Variants in TRMT2A observed in about 807,000 individuals in gnomAD.
The protein encoded by TRMT2A is tRNA (uracil-5-)-methyltransferase homolog A.
Under a neutral mutation model 59.3 loss-of-function variants are expected in TRMT2A, and 60 were observed. That is an observed-to-expected ratio of 1.01 (90% CI 0.82 to 1.26). The LOEUF (loss-of-function observed/expected upper bound fraction) is 1.26, where lower values mean the gene tolerates loss of function less well. Ranked by LOEUF, TRMT2A falls within the 50% of genes most tolerant of loss-of-function variation. The probability of loss-of-function intolerance (pLI) is 0.00; values close to 1 mark genes in which losing one functional copy is unlikely to be tolerated. For missense variants in TRMT2A, 863 were observed against 845.2 expected (o/e 1.02, Z -0.26); for synonymous variants, 403 against 353.7 (o/e 1.14, Z -1.56).
At position 20,112,158 on chromosome 22, in the gene TRMT2A, G is replaced by A. The variant is rs964447609; in HGVS notation, c.*405C>T. Reference sequence around the variant, plus strand: ...TCTCCTCAAGTTTAAGTATCAAATCGAACATTCTTTTTTAAAGTAAGCTCT... The same window carrying A: ...TCTCCTCAAGTTTAAGTATCAAATCAAACATTCTTTTTTAAAGTAAGCTCT... On this transcript the variant is annotated 3_prime_UTR_variant, in exon 12 of 12. Transcript: ENST00000252136. The A allele has an allele frequency of 1.5e-5, 3 of 194,102 alleles. No individual in the cohort carries two copies. Among genetic ancestry groups the A allele is most frequent in the Non-Finnish European group, 3.1e-5 (3 of 95,744 alleles). 12.0% of individuals were successfully genotyped at this position (194,102 alleles called of 1,614,324 possible). A position where few individuals can be genotyped will look rare whatever the true frequency, so the allele number is the denominator to read the frequency against.
At position 20,116,392 on chromosome 22, in the gene TRMT2A, C is replaced by A; in HGVS notation, c.245G>T (p.Arg82Leu). The change falls in exon 2 of 12, where the codon CGC (arginine) becomes CTC (leucine). Residue 82 changes from arginine (R) to leucine (L), a missense_variant. Coordinates refer to ENST00000252136, the MANE Select transcript of TRMT2A (RefSeq NM_022727.6). ...IFKLELQNVP[R>L]HASFSDVRRF... ...CCGGACGTCGCTGAAGCTGGCGTGG[C>A]GAGGCACGTTCTGCAGCTCCAGTTT... The A allele has an allele frequency of 6.2e-7, 1 of 1,611,814 alleles. No individual in the cohort carries two copies. Among genetic ancestry groups the A allele is most frequent in the Non-Finnish European group, 8.5e-7 (1 of 1,179,014 alleles).
intron 2 of TRMT2A, 86 bp downstream of exon 2, chr22:20,115,952 G>C: frequency 6.8e-7 from 1 of 1,470,804 alleles, no homozygotes. Context: ...CCTGTGCTGG[G>C]CCTCCCAACT....
Position 20,113,166 on chromosome 22 carries a change from C to A in TRMT2A, c.1501G>T (p.Ala501Ser). 6.3e-7 allele frequency: 1 copy of A among 1,597,572 alleles called. No individual in the cohort carries two copies. Among genetic ancestry groups the A allele is most frequent in the Admixed American group, 1.7e-5 (1 of 59,138 alleles). Residue 501 changes from alanine to serine, a missense_variant, in exon 10 of 12, where the codon GCC (alanine) becomes TCC (serine). Ala to Ser is a moderately conservative substitution (Grantham distance 99). Transcript: ENST00000252136. ...DLVPTLVSRL[A>S]SQHLVAILDP... ...AGGATGGCCACGAGGTGCTGGGAGGCCAGTCTGCTCACCAGGGTGGGCACC... is the reference window on the plus strand; with the variant it reads ...AGGATGGCCACGAGGTGCTGGGAGGACAGTCTGCTCACCAGGGTGGGCACC...
At chr22:20,113,400 T>TGCCCCCCCCCCCCCCCC in intron 9 of TRMT2A, 32 bp downstream of exon 9, 62 of 1,049,336 alleles carry the variant, frequency 5.9e-5, no homozygotes, top group Non-Finnish European at 8.3e-5. Flanking sequence ...GCTGCCCCCA[T>TGCCCCCCCCCCCCCCCC]CCCCACCCCC....
chr22:20,117,101 G>C lies in TRMT2A; in HGVS notation c.-195C>G. 1 of 711,044 alleles carries C rather than the reference G, an allele frequency of 1.4e-6. No individual in the cohort carries two copies. The highest frequency in any genetic ancestry group is 2.3e-6 in the Non-Finnish European group (1 of 433,450). The allele number at this position is 711,044 out of a possible 1,614,324, so 44.0% of individuals were successfully genotyped here. On this transcript the variant is annotated 5_prime_UTR_variant, in exon 1 of 12. In the 5' UTR this introduces an upstream ATG that the reference lacks. Transcript: ENST00000252136. Reference sequence around the variant, plus strand: ...CAGGCGGGGCGGGACTCGAACCTGCGATGCTCAGGTCCGGGTCTCAGGCTT... The same window carrying C: ...CAGGCGGGGCGGGACTCGAACCTGCCATGCTCAGGTCCGGGTCTCAGGCTT...
chr22:20,116,079 C>A lies in TRMT2A; in HGVS notation c.558G>T (p.Arg186=). Reference sequence around the variant, plus strand: ...GCACCTGCTCGCACTCCAGCTGCTTCCGCTCAAGCTGCTCAGCATAGGGCA... The same window carrying A: ...GCACCTGCTCGCACTCCAGCTGCTTACGCTCAAGCTGCTCAGCATAGGGCA... ...WTVPYAEQLE[R]KQLECEQVLQ... The change falls in exon 2 of 12, where the codon CGG becomes CGT. Residue 186 remains arginine (R), a synonymous_variant. Transcript: ENST00000252136. The A allele has an allele frequency of 6.3e-7, 1 of 1,581,438 alleles. No homozygotes were observed. Among genetic ancestry groups the A allele is most frequent in the Non-Finnish European group, 8.6e-7 (1 of 1,158,816 alleles).
In TRMT2A at chr22:20,115,724, T is replaced by C. The variant is rs146220777; in HGVS notation, c.656A>G (p.Lys219Arg). 5.0e-6 allele frequency: 8 copies of C among 1,612,792 alleles called. No individual in the cohort carries two copies. In the East Asian group the frequency reaches 6.7e-5, roughly 13 times the overall value. Residue 219 changes from lysine (K) to arginine (R), a missense_variant, in exon 3 of 12, where the codon AAG (lysine) becomes AGG (arginine). Lys to Arg is a conservative substitution (Grantham distance 26). Coordinates refer to ENST00000252136, the MANE Select transcript of TRMT2A (RefSeq NM_022727.6). ...CAGCGGGCAGCAGGCCTTGTTGTGCTTGTGCCTCTGCTCGAGCAGCCAGGG... is the reference window on the plus strand; with the variant it reads ...CAGCGGGCAGCAGGCCTTGTTGTGCCTGTGCCTCTGCTCGAGCAGCCAGGG... ...LLPWLLEQRH[K>R]HNKACCPLEG...
rs773356644 is a variant in TRMT2A at position 20,112,551 on chromosome 22, T to G, written c.*12A>C. The G allele has an allele frequency of 6.2e-7, 1 of 1,611,864 alleles. No individual in the cohort carries two copies. The highest frequency in any genetic ancestry group is 1.1e-5 in the South Asian group (1 of 91,032). On this transcript the variant is annotated 3_prime_UTR_variant, in exon 12 of 12. Coordinates refer to ENST00000252136, the MANE Select transcript of TRMT2A (RefSeq NM_022727.6). Reference sequence around the variant, plus strand: ...AGCCCTTCAGCTCCTGTCCCCATAATGGGTCCTGGGCCTAGGATGAGGGGA... The same window carrying G: ...AGCCCTTCAGCTCCTGTCCCCATAAGGGGTCCTGGGCCTAGGATGAGGGGA...
At chr22:20,113,337 G>A in intron 9 of TRMT2A, 95 bp downstream of exon 9, 1 of 1,522,298 alleles carries the variant, frequency 6.6e-7, no homozygotes, top group South Asian at 1.3e-5. Flanking sequence ...TGCTCTACCT[G>A]TCGGGCAGCC....
chr22:20,113,295 T>G, intron 9 of TRMT2A, 61 bp from the exon 10 acceptor site: 1 of 1,514,202 alleles, frequency 6.6e-7, no homozygotes, highest in Admixed American at 2.1e-5. Context: ...GGGCCAGCCC[T>G]GGGGAACCCC....
At position 20,113,218 on chromosome 22, in the gene TRMT2A, C is replaced by T; in HGVS notation, c.1449G>A (p.Glu483=). 1.3e-6 allele frequency: 2 copies of T among 1,566,428 alleles called. No homozygotes were observed. The highest frequency in any genetic ancestry group is 1.8e-5 in the Admixed American group (1 of 55,702). Residue 483 remains glutamate, a synonymous_variant, in exon 10 of 12, where the codon GAG becomes GAA. Transcript: ENST00000252136. ...NAQDNELSNV[E]FHCGRAEDLV... is the part of the protein sequence containing the mutation. Reference sequence around the variant, plus strand: ...GGTCCTCGGCCCTCCCGCAGTGGAACTCCACATTACTCAACTCTGAAGAGA... The same window carrying T: ...GGTCCTCGGCCCTCCCGCAGTGGAATTCCACATTACTCAACTCTGAAGAGA...
In TRMT2A at chr22:20,112,763, C is replaced by T. The variant is rs150381780; in HGVS notation, c.1678G>A (p.Gly560Ser). The change falls in exon 12 of 12, where the codon GGC becomes AGC. Residue 560 changes from glycine to serine, a missense_variant. Gly to Ser is a moderately conservative substitution (Grantham distance 56). Transcript: ENST00000252136. ...GCCTTGACCGGCCGGAAGGGAATGC[C>T]CTTCACCCGGTTAGATGGGGCTCTG... Reference protein sequence around the residue: ...LCRAPSNRVKGIPFRPVKAVA... With the variant: ...LCRAPSNRVKSIPFRPVKAVA... 1.3e-5 allele frequency: 21 copies of T among 1,613,650 alleles called. No individual in the cohort carries two copies. Among genetic ancestry groups the T allele is most frequent in the Non-Finnish European group, 1.8e-5 (21 of 1,180,006 alleles).
Position 20,113,489 on chromosome 22 carries a change from C to T in TRMT2A, c.1375G>A (p.Gly459Arg), listed in dbSNP as rs368712653. 15 of 1,613,436 alleles carry T rather than the reference C, an allele frequency of 9.3e-6. No individual in the cohort carries two copies. Among genetic ancestry groups the T allele is most frequent in the Non-Finnish European group, 1.3e-5 (15 of 1,179,972 alleles). Residue 459 changes from glycine to arginine, a missense_variant, in exon 9 of 12, where the codon GGG (glycine) becomes AGG (arginine). Gly to Arg is a moderately radical substitution (Grantham distance 125). Coordinates refer to ENST00000252136, the MANE Select transcript of TRMT2A (RefSeq NM_022727.6). ...ALARKVKRVI[G>R]VELCPEAVED... ...ACAGCCTCTGGGCATAGCTCGACCC[C>T]AATGACCCTCTTTACCTTCTGAAAC...
chr22:20,112,903 A>G lies in TRMT2A; in HGVS notation c.1646+8T>C, dbSNP rs1195861203. 1 of 1,613,552 alleles carries G rather than the reference A, an allele frequency of 6.2e-7. No individual in the cohort carries two copies. Among genetic ancestry groups the G allele is most frequent in the South Asian group, 1.1e-5 (1 of 91,084 alleles). ...CTAGCCCCCACCCAGGCCCCTGCAG[A>G]CACTCACTCCACAAAGTTGCCCATG... is the stretch of plus-strand genomic sequence containing the variant. On this transcript the variant is annotated splice_region_variant and intron_variant, in intron 11 of 11. Coordinates refer to ENST00000252136, the MANE Select transcript of TRMT2A (RefSeq NM_022727.6).
Position 20,116,023 on chromosome 22 carries a change from T to G in TRMT2A, c.599+15A>C, listed in dbSNP as rs772721008. ...AGAGCCCTGGCCAAGAGGGGCGTCT[T>G]GCGCCCACACTCACTTGGCAAGTTT... On this transcript the variant is annotated intron_variant, in intron 2 of 11. Coordinates refer to ENST00000252136, the MANE Select transcript of TRMT2A (RefSeq NM_022727.6). 3 of 1,542,106 alleles carry G rather than the reference T, an allele frequency of 1.9e-6. No homozygotes were observed. The highest frequency in any genetic ancestry group is 2.3e-5 in the East Asian group (1 of 44,116).
At chr22:20,113,400 T>TGCCCCCCCCCCCCCCCCGCCCGG in intron 9 of TRMT2A, 32 bp downstream of exon 9, 1 of 1,049,436 alleles carries the variant, frequency 9.5e-7, no homozygotes, top group Non-Finnish European at 1.4e-6. Flanking sequence ...GCTGCCCCCA[T>TGCCCCCCCCCCCCCCCCGCCCGG]CCCCACCCCC....
chr22:20,112,251 G>A lies in TRMT2A; in HGVS notation c.*312C>T, dbSNP rs949380243. Reference sequence around the variant, plus strand: ...CTAGGCCTAGTTTGGCCCTTTCCCTGGCACCCAGGCCCTGTGTTCAGACCC... The same window carrying A: ...CTAGGCCTAGTTTGGCCCTTTCCCTAGCACCCAGGCCCTGTGTTCAGACCC... On this transcript the variant is annotated 3_prime_UTR_variant, in exon 12 of 12. Coordinates refer to ENST00000252136, the MANE Select transcript of TRMT2A (RefSeq NM_022727.6). 1 of 411,174 alleles carries A rather than the reference G, an allele frequency of 2.4e-6. No individual in the cohort carries two copies. Among genetic ancestry groups the A allele is most frequent in the Non-Finnish European group, 4.4e-6 (1 of 229,882 alleles). The allele number at this position is 411,174 out of a possible 1,614,324, so 25.5% of individuals were successfully genotyped here. A position where few individuals can be genotyped will look rare whatever the true frequency, so the allele number is the denominator to read the frequency against.
At position 20,113,722 on chromosome 22, in the gene TRMT2A, G is replaced by A; in HGVS notation, c.1320C>T (p.Cys440=). The change falls in exon 8 of 12, where the codon TGC becomes TGT. Residue 440 remains cysteine (C), a synonymous_variant. Coordinates refer to ENST00000252136, the MANE Select transcript of TRMT2A (RefSeq NM_022727.6). ...LDAGSMVLDV[C]CGTGTIGLAL... Reference sequence around the variant, plus strand: ...CCAGGCCAATGGTGCCGGTGCCACAGCACACGTCCAGCACCATGCTCCCCG... The same window carrying A: ...CCAGGCCAATGGTGCCGGTGCCACAACACACGTCCAGCACCATGCTCCCCG... 2 of 1,606,312 alleles carry A rather than the reference G, an allele frequency of 1.2e-6. No individual in the cohort carries two copies. The highest frequency in any genetic ancestry group is 1.7e-6 in the Non-Finnish European group (2 of 1,177,150).
Position 20,116,195 on chromosome 22 carries a change from C to T in TRMT2A, c.442G>A (p.Ala148Thr). The part of the protein sequence containing the change: ...PLSVRLARPK[A>T]DPMARRRRQE... ...CGCCTCCTCCTGGCCATGGGGTCGG[C>T]CTTGGGCCGGGCCAGGCGCACACTG... Residue 148 changes from alanine to threonine, a missense_variant, in exon 2 of 12, where the codon GCC becomes ACC. Coordinates refer to ENST00000252136, the MANE Select transcript of TRMT2A (RefSeq NM_022727.6). 2 of 1,613,030 alleles carry T rather than the reference C, an allele frequency of 1.2e-6. No homozygotes were observed. The highest frequency in any genetic ancestry group is 1.7e-6 in the Non-Finnish European group (2 of 1,180,002).
Sources: allele counts gnomAD v4.1 joint callset, GRCh38; gene constraint gnomAD v4.1.1; transcripts MANE v1.5; gene names NCBI Gene and HGNC (gene_info 2026-07-23, HGNC 2026-07-21).